Variants in NRXN1 observed in about 807,000 individuals in gnomAD.
NRXN1 encodes neurexin-1.
In NRXN1, 39 loss-of-function variants were observed where a neutral mutation model predicts 150.9. The observed-to-expected ratio is 0.26, with a 90% CI of 0.20 to 0.34. The LOEUF (loss-of-function observed/expected upper bound fraction) is 0.34. Among genes scored for constraint, NRXN1 ranks in the 10% least tolerant of loss-of-function variants. The pLI is 1.00. For synonymous variants in NRXN1, 924 were observed against 757.0 expected (o/e 1.22, Z -3.62); for missense variants, 1,815 against 1,949.9 (o/e 0.93, Z 1.30).
At chr2:50,960,896 T>G (rs1427304524) in intron 2 of NRXN1, among the ~76,000 whole-genome samples, 1 of 152,038 alleles carries the variant, frequency 6.6e-6, no homozygotes, top group Non-Finnish European at 1.5e-5. Context: ...AATTAACTTG[T>G]AACTTCATAG....
At chr2:50,400,046 G>C (rs1360440988) in intron 17 of NRXN1, among the ~76,000 whole-genome samples, 3 of 151,936 alleles carry the variant, frequency 2.0e-5, no homozygotes, top group Admixed American at 1.3e-4. Flanking sequence ...TTGCCAAACA[G>C]AGCTTGTGGC....
chr2:50,739,966 G>A (rs547542138), intron 5 of NRXN1, among the ~76,000 whole-genome samples: 6 of 152,152 alleles, frequency 3.9e-5, no homozygotes, highest in Non-Finnish European at 8.8e-5. Context: ...CATAAGCACT[G>A]TCATCAGTTG....
intron 17 of NRXN1, among the ~76,000 whole-genome samples, chr2:50,370,119 G>T (rs963855991): frequency 5.9e-5 from 9 of 152,066 alleles, no homozygotes; most frequent in African/African-American, 1.9e-4. Flanking sequence ...TTGTTGGCAT[G>T]ATTTTAGTTC....
At chr2:50,089,442 C>T (rs1699250711) in intron 19 of NRXN1, among the ~76,000 whole-genome samples, 1 of 152,154 alleles carries the variant, frequency 6.6e-6, no homozygotes, top group African/African-American at 2.4e-5. Flanking sequence ...AGGAAAATTA[C>T]CAATACACCT....
intron 12 of NRXN1, among the ~76,000 whole-genome samples, chr2:50,515,179 G>C (rs970341124): frequency 2.0e-5 from 3 of 152,116 alleles, no homozygotes; most frequent in African/African-American, 7.2e-5. Context: ...AAACCCTATT[G>C]TGAACTGCAC....
intron 5 of NRXN1, among the ~76,000 whole-genome samples, chr2:50,640,440 G>A (rs1222974898): frequency 1.3e-5 from 2 of 152,048 alleles, no homozygotes; most frequent in African/African-American, 4.8e-5. Context: ...AACTTATCAG[G>A]AAACTGGCAT....
Position 50,295,745 on chromosome 2 carries a change from G to A in NRXN1, c.3365-58775C>T, listed in dbSNP as rs549270020. Reference sequence around the variant, plus strand: ...AACTTGAAATTTCAATGAGGATGAAGAATTGCTCTTTAAAGAATGAGGAAG... The same window carrying A: ...AACTTGAAATTTCAATGAGGATGAAAAATTGCTCTTTAAAGAATGAGGAAG... On this transcript the variant is annotated intron_variant, in intron 17 of 22. Transcript: ENST00000401669. Among the ~76,000 whole-genome samples, 155 of 152,308 alleles carry A rather than the reference G, an allele frequency of 1.0e-3. 1 individual carries two copies. In the Middle Eastern group the frequency reaches 0.014, roughly 13 times the overall value.
At chr2:51,025,168 CGTG>C (rs991435537) in intron 2 of NRXN1, among the ~76,000 whole-genome samples, 4 of 152,132 alleles carry the variant, frequency 2.6e-5, no homozygotes, top group African/African-American at 9.7e-5. Context: ...TTCTACGTTT[CGTG>C]GTGATCTTTT....
Position 50,015,132 on chromosome 2 carries a change from A to G in NRXN1, c.4128+38139T>C, listed in dbSNP as rs1021845837. On this transcript the variant is annotated intron_variant, in intron 21 of 22. Transcript: ENST00000401669. ...GGCTTTGGCTGGACAAGGGGAATAA[A>G]AGCCCTGTGTTTTTCCACAACTATA... 1.3e-5 allele frequency among the ~76,000 whole-genome samples: 2 copies of G among 152,218 alleles called. 1 individual carries two copies.
intron 5 of NRXN1, among the ~76,000 whole-genome samples, chr2:50,680,142 C>G (rs1411594309): frequency 6.6e-6 from 1 of 151,904 alleles, no homozygotes; most frequent in East Asian, 1.9e-4. Context: ...GAGCAAAGAC[C>G]CTGTCTCAAA....
chr2:50,878,714 G>A (rs13027232), intron 5 of NRXN1, among the ~76,000 whole-genome samples: 55,652 of 151,702 alleles, frequency 0.37, 11,356 homozygotes, highest in Non-Finnish European at 0.46. Flanking sequence ...CATGGCTGAC[G>A]AGATTGTTCC....
At chr2:50,759,348 C>T (rs925833548) in intron 5 of NRXN1, among the ~76,000 whole-genome samples, 1 of 151,818 alleles carries the variant, frequency 6.6e-6, no homozygotes, top group Non-Finnish European at 1.5e-5. Flanking sequence ...TTCCACAACT[C>T]GGAAATATGT....
In NRXN1 at chr2:50,448,243, G is replaced by T. The variant is rs2086634430; in HGVS notation, c.3364+17199C>A. Among the ~76,000 whole-genome samples, 3 of 152,160 alleles carry T rather than the reference G, an allele frequency of 2.0e-5. 1 individual carries two copies. The highest frequency in any genetic ancestry group is 4.1e-4 in the South Asian group (2 of 4,824). On this transcript the variant is annotated intron_variant, in intron 17 of 22. Coordinates refer to ENST00000401669, the MANE Select transcript of NRXN1 (RefSeq NM_001330078.2). ...CATTAGCTGTGGATACACCACCAAA[G>T]AACATTTTCCTCAATTTCTGGGTAA... is the stretch of plus-strand genomic sequence containing the variant.
At chr2:50,978,803 T>C (rs1170094524) in intron 2 of NRXN1, among the ~76,000 whole-genome samples, 1 of 152,110 alleles carries the variant, frequency 6.6e-6, no homozygotes, top group Non-Finnish European at 1.5e-5. Flanking sequence ...ACATGCATAA[T>C]GATTAAATGA....
intron 5 of NRXN1, among the ~76,000 whole-genome samples, chr2:50,640,117 C>A (rs539379706): frequency 1.3e-5 from 2 of 152,182 alleles, no homozygotes; most frequent in East Asian, 3.9e-4. Context: ...AAAGCAATAT[C>A]AACTAAAGAG....
At chr2:50,012,347 G>T (rs1436633224) in intron 21 of NRXN1, among the ~76,000 whole-genome samples, 1 of 152,064 alleles carries the variant, frequency 6.6e-6, no homozygotes, top group Non-Finnish European at 1.5e-5. Flanking sequence ...TTGTAGTAGT[G>T]TATAGATTAG....
intron 18 of NRXN1, among the ~76,000 whole-genome samples, chr2:50,098,206 T>C (rs1700492144): frequency 6.6e-6 from 1 of 152,188 alleles, no homozygotes; most frequent in East Asian, 1.9e-4. Flanking sequence ...AAGTATGTAA[T>C]ATGCACCCAG....
At chr2:50,718,522 C>G (rs376325748) in intron 5 of NRXN1, among the ~76,000 whole-genome samples, 3 of 152,038 alleles carry the variant, frequency 2.0e-5, no homozygotes, top group Non-Finnish European at 4.4e-5. Context: ...CATAAAGAAA[C>G]CAGAAACAGA....
intron 5 of NRXN1, among the ~76,000 whole-genome samples, chr2:50,795,549 TTCTC>T (rs979910835): frequency 1.9e-3 from 296 of 151,848 alleles, no homozygotes; most frequent in African/African-American, 6.9e-3. Flanking sequence ...CTCTCCCTCT[TTCTC>T]TCTCTTTCAC....
Sources: allele counts gnomAD v4.1 joint callset (sites outside exome capture counted in the v4.1 genomes callset), GRCh38; gene constraint gnomAD v4.1.1; transcripts MANE v1.5; gene names NCBI Gene and HGNC (gene_info 2026-07-23, HGNC 2026-07-21).